Variants in ZNF114 observed in about 807,000 individuals in gnomAD.
ZNF114 encodes zinc finger protein 114 (Y18).
In ZNF114, 8 loss-of-function variants were observed where a neutral mutation model predicts 6.8. The ratio of observed to expected loss-of-function variants is 1.18; its 90% CI spans 0.69 to 2.13. The LOEUF (loss-of-function observed/expected upper bound fraction) is 2.13. Ranked by LOEUF, ZNF114 falls within the 30% of genes most tolerant of loss-of-function variation. ZNF114 has a pLI of 0.00. For synonymous variants in ZNF114, 169 were observed against 185.5 expected (o/e 0.91, Z 0.72); for missense variants, 472 against 519.5 (o/e 0.91, Z 0.89).
chr19:48,283,011 C>T (rs1257835015), intron 5 of ZNF114, among the ~76,000 whole-genome samples: 5 of 151,820 alleles, frequency 3.3e-5, no homozygotes, highest in African/African-American at 1.2e-4. Context: ...CCACCACACC[C>T]AGCCTTTATT....
At chr19:48,275,458 A>ACACACACACACACACACACACACAC (rs1600837639) in intron 3 of ZNF114, among the ~76,000 whole-genome samples, 1 of 145,158 alleles carries the variant, frequency 6.9e-6, no homozygotes. Context: ...ACACACACAC[A>ACACACACACACACACACACACACAC]AAATAGCCAG....
At chr19:48,272,698 A>AAAAAAAAG (rs1967700687) in intron 3 of ZNF114, among the ~76,000 whole-genome samples, 1 of 134,334 alleles carries the variant, frequency 7.4e-6, no homozygotes, top group African/African-American at 2.9e-5. Context: ...AAAAAAAAAA[A>AAAAAAAAG]GTATTGGATT....
intron 3 of ZNF114, among the ~76,000 whole-genome samples, chr19:48,275,717 G>A (rs1270343115): frequency 2.0e-5 from 3 of 152,004 alleles, no homozygotes; most frequent in Non-Finnish European, 4.4e-5. Flanking sequence ...GTTTGTTGCC[G>A]GGCGCGGTGG....
chr19:48,282,242 A>G (rs1188007042), intron 4 of ZNF114, 129 bp from the exon 5 acceptor site: 1 of 1,317,882 alleles, frequency 7.6e-7, no homozygotes, highest in African/African-American at 1.5e-5. Flanking sequence ...ACTCTAGTTC[A>G]CAAATCAGGT....
Position 48,280,169 on chromosome 19 carries a change from G to A in ZNF114, c.9+361G>A, listed in dbSNP as rs553687463. 1.9e-4 allele frequency among the ~76,000 whole-genome samples: 29 copies of A among 152,200 alleles called. No individual in the cohort carries two copies. In the East Asian group the frequency reaches 5.2e-3, roughly 27 times the overall value. ...AGGGTGAGACAGGAGAATCATTTGA[G>A]GCCAGGAGTTCAAAACCAGCCTGGG... On this transcript the variant is annotated intron_variant, in intron 4 of 5. Transcript: ENST00000595607.
At chr19:48,272,347 G>T (rs1452954682) in intron 3 of ZNF114, among the ~76,000 whole-genome samples, 1 of 151,742 alleles carries the variant, frequency 6.6e-6, no homozygotes, top group Non-Finnish European at 1.5e-5. Flanking sequence ...GGGAGGTGGA[G>T]GTTGCAGTGA....
intron 3 of ZNF114, among the ~76,000 whole-genome samples, chr19:48,273,614 C>CT: frequency 6.6e-6 from 1 of 151,934 alleles, no homozygotes. Flanking sequence ...TCAGGTGTGG[C>CT]TGTTTCCTTG....
Position 48,282,496 on chromosome 19 carries a change from A to C in ZNF114, c.135A>C (p.Ile45=). Residue 45 remains isoleucine, a splice_region_variant and synonymous_variant, in exon 5 of 6, where the codon ATA becomes ATC. Coordinates refer to ENST00000595607, the MANE Select transcript of ZNF114 (RefSeq NM_153608.4). ...MLENSRNLAF[I]DWATPCKTKD... ...AAAATTCTAGGAACTTGGCATTCATAGGTAAGGAGGCCCCCTTCCTGCACT... is the reference window on the plus strand; with the variant it reads ...AAAATTCTAGGAACTTGGCATTCATCGGTAAGGAGGCCCCCTTCCTGCACT... The C allele has an allele frequency of 1.2e-6, 2 of 1,608,516 alleles. No homozygotes were observed. Among genetic ancestry groups the C allele is most frequent in the Non-Finnish European group, 1.7e-6 (2 of 1,175,888 alleles).
In ZNF114 at chr19:48,285,886, G is replaced by A. The variant is rs1968111841; in HGVS notation, c.262G>A (p.Glu88Lys). 6.2e-7 allele frequency: 1 copy of A among 1,614,064 alleles called. No individual in the cohort carries two copies. The highest frequency in any genetic ancestry group is 1.3e-5 in the African/African-American group (1 of 74,912). The change falls in exon 6 of 6, where the codon GAA (glutamate) becomes AAA (lysine). Residue 88 changes from glutamate to lysine, a missense_variant. By Grantham distance (56) the Glu-to-Lys change is moderately conservative. Coordinates refer to ENST00000595607, the MANE Select transcript of ZNF114 (RefSeq NM_153608.4). ...SISSQHSTLR[E>K]DWRCPKTEEP... ...CAGTTCCCAGCACTCCACATTAAGA[G>A]AAGACTGGAGATGCCCCAAAACAGA...
chr19:48,285,806 A>T lies in ZNF114; in HGVS notation c.182A>T (p.Asp61Val), dbSNP rs150686186. 8 of 1,613,620 alleles carry T rather than the reference A, an allele frequency of 5.0e-6. No individual in the cohort carries two copies. Among genetic ancestry groups the T allele is most frequent in the Non-Finnish European group, 6.8e-6 (8 of 1,179,954 alleles). Residue 61 changes from aspartate (D) to valine (V), a missense_variant, in exon 6 of 6, where the codon GAT (aspartate) becomes GTT (valine). Transcript: ENST00000595607. ...ACCAAAGACGCAACCCCTCAGCCGG[A>T]TATTCTTCCTAAAAGAACATTTCCT... The part of the protein sequence containing the change: ...CKTKDATPQP[D>V]ILPKRTFPEA...
In ZNF114 at chr19:48,285,919, C is replaced by A. The variant is rs35802964; in HGVS notation, c.295C>A (p.His99Asn). 1.7e-3 allele frequency: 2,749 copies of A among 1,614,148 alleles called. 49 individuals are homozygous for A. In the African/African-American group the frequency reaches 0.031, roughly 18 times the overall value. The change falls in exon 6 of 6, where the codon CAC becomes AAC. Residue 99 changes from histidine (H) to asparagine (N), a missense_variant. Coordinates refer to ENST00000595607, the MANE Select transcript of ZNF114 (RefSeq NM_153608.4). ...DWRCPKTEEP[H>N]RQGVNNVKPP... The stretch of plus-strand genomic sequence containing the variant: ...GAGATGCCCCAAAACAGAGGAACCA[C>A]ACAGGCAGGGGGTGAATAATGTGAA...
Position 48,287,095 on chromosome 19 carries a change from A to G in ZNF114, c.*217A>G. On this transcript the variant is annotated 3_prime_UTR_variant, in exon 6 of 6. Transcript: ENST00000595607. Reference sequence around the variant, plus strand: ...GTAGACATTTGTTCTCACCCTGGAGAGAAACTGCGAATCTAAAAGGAATAT... The same window carrying G: ...GTAGACATTTGTTCTCACCCTGGAGGGAAACTGCGAATCTAAAAGGAATAT... The G allele has an allele frequency of 2.4e-6, 1 of 418,428 alleles. No homozygotes were observed. Among genetic ancestry groups the G allele is most frequent in the Non-Finnish European group, 4.1e-6 (1 of 243,776 alleles). 25.9% of individuals were successfully genotyped at this position (418,428 alleles called of 1,614,324 possible). A position where few individuals can be genotyped will look rare whatever the true frequency, so the allele number is the denominator to read the frequency against.
chr19:48,276,979 G>A (rs1600839093), intron 3 of ZNF114, among the ~76,000 whole-genome samples: 2 of 151,888 alleles, frequency 1.3e-5, no homozygotes, highest in African/African-American at 4.8e-5. Flanking sequence ...CCAACATAGT[G>A]AAACCCCGTC....
Position 48,285,819 on chromosome 19 carries a change from A to G in ZNF114, c.195A>G (p.Lys65=). The G allele has an allele frequency of 6.2e-7, 1 of 1,614,022 alleles. No individual in the cohort carries two copies. Among genetic ancestry groups the G allele is most frequent in the Admixed American group, 1.7e-5 (1 of 59,958 alleles). ...DATPQPDILP[K]RTFPEANRVC... is the part of the protein sequence containing the mutation. ...CCCCTCAGCCGGATATTCTTCCTAA[A>G]AGAACATTTCCTGAAGCCAACAGAG... is the stretch of plus-strand genomic sequence containing the variant. The change falls in exon 6 of 6, where the codon AAA becomes AAG. Residue 65 remains lysine, a synonymous_variant. Transcript: ENST00000595607.
chr19:48,283,766 T>C (rs1390535169), intron 5 of ZNF114, among the ~76,000 whole-genome samples: 1 of 151,734 alleles, frequency 6.6e-6, no homozygotes, highest in Admixed American at 6.6e-5. Flanking sequence ...TGTGTTTCAC[T>C]CTTGTTGCCC....
chr19:48,287,496 C>CAA lies in ZNF114; in HGVS notation c.*631_*632dup, dbSNP rs1426754041. 1.7e-5 allele frequency: 2 copies of CAA among 120,392 alleles called. No homozygotes were observed. Among genetic ancestry groups the CAA allele is most frequent in the African/African-American group, 3.1e-5 (1 of 32,486 alleles). 7.5% of individuals were successfully genotyped at this position (120,392 alleles called of 1,614,324 possible). A position where few individuals can be genotyped will look rare whatever the true frequency, so the allele number is the denominator to read the frequency against. On this transcript the variant is annotated 3_prime_UTR_variant, in exon 6 of 6. Transcript: ENST00000595607. Reference sequence around the variant, plus strand: ...TGGGGGAAAGAGCGAGACTCCGTCTCAAAAAAAAAAAAAAGTAGGAAAGAC... The same window carrying CAA: ...TGGGGGAAAGAGCGAGACTCCGTCTCAAAAAAAAAAAAAAAAGTAGGAAAGAC...
chr19:48,286,640 A>G lies in ZNF114; in HGVS notation c.1016A>G (p.Lys339Arg). 1 of 1,613,872 alleles carries G rather than the reference A, an allele frequency of 6.2e-7. No individual in the cohort carries two copies. ...CCGTATGAATGTGGGAAATGTGGGAAAGCCTTTAGATATTCCTTACACCTT... is the reference window on the plus strand; with the variant it reads ...CCGTATGAATGTGGGAAATGTGGGAGAGCCTTTAGATATTCCTTACACCTT... The part of the protein sequence containing the change: ...EKPYECGKCG[K>R]AFRYSLHLNK... The change falls in exon 6 of 6, where the codon AAA becomes AGA. Residue 339 changes from lysine to arginine, a missense_variant. Transcript: ENST00000595607.
At chr19:48,277,516 G>A (rs1967866205) in intron 3 of ZNF114, among the ~76,000 whole-genome samples, 1 of 151,980 alleles carries the variant, frequency 6.6e-6, no homozygotes, top group East Asian at 1.9e-4. Context: ...TCTCTGTCTG[G>A]GTATCATTAT....
chr19:48,286,747 A>G lies in ZNF114; in HGVS notation c.1123A>G (p.Lys375Glu), dbSNP rs756170865. The G allele has an allele frequency of 2.5e-6, 4 of 1,613,742 alleles. No individual in the cohort carries two copies. Among genetic ancestry groups the G allele is most frequent in the East Asian group, 4.5e-5 (2 of 44,896 alleles). The change falls in exon 6 of 6, where the codon AAA becomes GAA. Residue 375 changes from lysine (K) to glutamate (E), a missense_variant. By Grantham distance (56) the Lys-to-Glu change is moderately conservative. Coordinates refer to ENST00000595607, the MANE Select transcript of ZNF114 (RefSeq NM_153608.4). ...ECGKVIRESS[K>E]YTHIRSHTGE... ...TGGGAAAGTCATTCGGGAGTCCTCA[A>G]AATATACACATATAAGGAGCCACAC...
Sources: allele counts gnomAD v4.1 joint callset (sites outside exome capture counted in the v4.1 genomes callset), GRCh38; gene constraint gnomAD v4.1.1; transcripts MANE v1.5; gene names NCBI Gene and HGNC (gene_info 2026-07-23, HGNC 2026-07-21).